NAPEPLD: variants seen among roughly 807,000 people sequenced by gnomAD.
The protein encoded by NAPEPLD is N-acyl-phosphatidylethanolamine-hydrolyzing phospholipase D.
NAPEPLD carries 23 observed loss-of-function variants against 38.1 expected under a neutral mutation model. The observed-to-expected ratio is 0.60, with a 90% CI of 0.43 to 0.86. The LOEUF (loss-of-function observed/expected upper bound fraction) is 0.86. Ranked by LOEUF, NAPEPLD falls within the 40% of genes least tolerant of loss-of-function variation. The pLI is 0.00. For missense variants in NAPEPLD, 411 were observed against 476.8 expected (o/e 0.86, Z 1.28); for synonymous variants, 147 against 162.0 (o/e 0.91, Z 0.71).
rs1802496763 is a variant in NAPEPLD, at chr7:103,102,138, GAGACTCC to G, written c.*1284_*1290del. On this transcript the variant is annotated 3_prime_UTR_variant, in exon 5 of 5. Coordinates refer to ENST00000465647, the MANE Select transcript of NAPEPLD (RefSeq NM_001122838.3). Reference sequence around the variant, plus strand: ...ATCTGATTGATATATTTAGAGCTAAGAGACTCCAGGAAAAAAAAAATGTGTAGAGAAA... The same window carrying G: ...ATCTGATTGATATATTTAGAGCTAAGAGGAAAAAAAAAATGTGTAGAGAAA... 6.6e-6 allele frequency: 1 copy of G among 150,912 alleles called. No homozygotes were observed. The highest frequency in any genetic ancestry group is 1.5e-5 in the Non-Finnish European group (1 of 67,840). The allele number at this position is 150,912 out of a possible 1,614,324, so 9.3% of individuals were successfully genotyped here. A position where few individuals can be genotyped will look rare whatever the true frequency, so the allele number is the denominator to read the frequency against.
At chr7:103,131,917 T>G (rs112539467) in intron 1 of NAPEPLD, among the ~76,000 whole-genome samples, 17 of 152,088 alleles carry the variant, frequency 1.1e-4, no homozygotes, top group African/African-American at 4.1e-4. Context: ...AGTTCGAGAC[T>G]AGCCTGGCCA....
intron 4 of NAPEPLD, among the ~76,000 whole-genome samples, chr7:103,112,126 G>C (rs1804645888): frequency 6.6e-6 from 1 of 152,176 alleles, no homozygotes; most frequent in Admixed American, 6.5e-5. Context: ...TGGATGTGGA[G>C]AAATAGGAAT....
Position 103,141,828 on chromosome 7 carries a change from G to T in NAPEPLD, c.-17+6983C>A. On this transcript the variant is annotated intron_variant, in intron 1 of 4. Coordinates refer to ENST00000465647, the MANE Select transcript of NAPEPLD (RefSeq NM_001122838.3). ...TTGATCAGCTTCCGGATCTGCTGACGGGAGTTGGCATTGGTGATTTCATTG... is the reference window on the plus strand; with the variant it reads ...TTGATCAGCTTCCGGATCTGCTGACTGGAGTTGGCATTGGTGATTTCATTG... 4.2e-6 allele frequency: 4 copies of T among 942,842 alleles called. No individual in the cohort carries two copies. In the South Asian group the frequency reaches 5.2e-5, roughly 12 times the overall value. The allele number at this position is 942,842 out of a possible 1,614,324, so 58.4% of individuals were successfully genotyped here.
intron 1 of NAPEPLD, among the ~76,000 whole-genome samples, chr7:103,141,077 C>T (rs548403824): frequency 2.0e-5 from 3 of 152,120 alleles, no homozygotes; most frequent in East Asian, 1.9e-4. Context: ...ATATTGTTCC[C>T]CCCATCTGCT....
intron 4 of NAPEPLD, among the ~76,000 whole-genome samples, chr7:103,112,370 T>C (rs1320971925): frequency 2.6e-5 from 4 of 152,154 alleles, no homozygotes; most frequent in East Asian, 1.9e-4. Flanking sequence ...CCATCAATGA[T>C]AGACTGGATA....
chr7:103,119,467 TCCAC>T, intron 3 of NAPEPLD, 106 bp downstream of exon 3: 1 of 1,200,580 alleles, frequency 8.3e-7, no homozygotes, highest in Non-Finnish European at 1.1e-6. Flanking sequence ...TATAACAAAG[TCCAC>T]CATTAAAATC....
chr7:103,148,704 G>A (rs1251697129), intron 1 of NAPEPLD, 107 bp downstream of exon 1: 1 of 633,564 alleles, frequency 1.6e-6, no homozygotes, highest in African/African-American at 2.0e-5. Context: ...GAAACCTGTT[G>A]GAATGGATTT....
intron 1 of NAPEPLD, among the ~76,000 whole-genome samples, chr7:103,129,896 A>C (rs1443606457): frequency 6.6e-6 from 1 of 152,176 alleles, no homozygotes; most frequent in Non-Finnish European, 1.5e-5. Flanking sequence ...CAGCTCAATC[A>C]ATGTCAGCTG....
chr7:103,131,559 C>T (rs964736805), intron 1 of NAPEPLD, among the ~76,000 whole-genome samples: 1 of 151,734 alleles, frequency 6.6e-6, no homozygotes, highest in Non-Finnish European at 1.5e-5. Context: ...ACTCAGGAGG[C>T]TGAGGCAGGA....
Position 103,119,714 on chromosome 7 carries a change from G to T in NAPEPLD, c.804C>A (p.Gly268=). Residue 268 remains glycine (G), a synonymous_variant, in exon 3 of 5, where the codon GGC becomes GGA. Coordinates refer to ENST00000465647, the MANE Select transcript of NAPEPLD (RefSeq NM_001122838.3). Reference sequence around the variant, plus strand: ...TCCAAGGCCCCAAGACAGACCAGCTGCCCCATAGCACCTTGTTGTCATCCA... The same window carrying T: ...TCCAAGGCCCCAAGACAGACCAGCTTCCCCATAGCACCTTGTTGTCATCCA... ...TLMDDNKVLW[G]SWSVLGPWNR... 1 of 1,614,154 alleles carries T rather than the reference G, an allele frequency of 6.2e-7. No homozygotes were observed. Among genetic ancestry groups the T allele is most frequent in the South Asian group, 1.1e-5 (1 of 91,082 alleles).
At chr7:103,144,809 C>T (rs529468206) in intron 1 of NAPEPLD, among the ~76,000 whole-genome samples, 3 of 151,856 alleles carry the variant, frequency 2.0e-5, no homozygotes, top group African/African-American at 4.8e-5. Flanking sequence ...GCCAGGAGTT[C>T]GAGACCAGCT....
intron 1 of NAPEPLD, among the ~76,000 whole-genome samples, chr7:103,131,286 T>A (rs906697417): frequency 2.0e-5 from 3 of 152,114 alleles, no homozygotes; most frequent in Non-Finnish European, 4.4e-5. Context: ...AAAGGACACT[T>A]TGATTCAAAG....
At chr7:103,114,535 T>C (rs922293640) in intron 4 of NAPEPLD, among the ~76,000 whole-genome samples, 1 of 152,148 alleles carries the variant, frequency 6.6e-6, no homozygotes, top group Non-Finnish European at 1.5e-5. Flanking sequence ...GCTCTGCCCT[T>C]TCCTCCTCTG....
At chr7:103,145,524 A>G (rs989545866) in intron 1 of NAPEPLD, among the ~76,000 whole-genome samples, 10 of 152,240 alleles carry the variant, frequency 6.6e-5, no homozygotes, top group Non-Finnish European at 1.5e-4. Context: ...CAATGTTTCA[A>G]TTTTGAGGTA....
intron 4 of NAPEPLD, among the ~76,000 whole-genome samples, chr7:103,112,334 C>T (rs1336645141): frequency 6.6e-6 from 1 of 152,106 alleles, no homozygotes; most frequent in Non-Finnish European, 1.5e-5. Flanking sequence ...TTCACAATAG[C>T]TAAGACTTGG....
At chr7:103,142,754 T>A (rs1811695596) in intron 1 of NAPEPLD, among the ~76,000 whole-genome samples, 1 of 152,076 alleles carries the variant, frequency 6.6e-6, no homozygotes, top group African/African-American at 2.4e-5. Flanking sequence ...TGCACAATAT[T>A]TATGGAATGA....
At chr7:103,141,267 C>G (rs1140867) in intron 1 of NAPEPLD, 3 of 93,960 alleles carry the variant, frequency 3.2e-5, no homozygotes, top group Non-Finnish European at 5.7e-5. Flanking sequence ...TTTTTTTTTG[C>G]AAGCAGATAA....
intron 1 of NAPEPLD, among the ~76,000 whole-genome samples, chr7:103,142,326 C>T (rs1449405826): frequency 6.6e-6 from 1 of 151,564 alleles, no homozygotes; most frequent in African/African-American, 2.4e-5. Flanking sequence ...TTAACAGGGG[C>T]CAGGCATGGT....
At chr7:103,103,667 C>T (rs185243864) in intron 4 of NAPEPLD, 113 bp from the exon 5 acceptor site, 1 of 1,117,152 alleles carries the variant, frequency 9.0e-7, no homozygotes, top group East Asian at 2.9e-5. Context: ...GAATTAGGCC[C>T]TTTCTTTTAA....
Sources: gnomAD v4.1 joint callset for allele counts (sites outside exome capture counted in the v4.1 genomes callset) on GRCh38, gnomAD v4.1.1 for gene constraint, MANE v1.5 for transcripts, NCBI Gene and HGNC (gene_info 2026-07-23, HGNC 2026-07-21) for gene names.